Variants in SFXN5 observed in about 807,000 individuals in gnomAD.
SFXN5 encodes the protein sideroflexin 5, also known as sideroflexin-5.
In SFXN5, 43 loss-of-function variants were observed where a neutral mutation model predicts 50.2. The ratio of observed to expected loss-of-function variants is 0.86; its 90% CI spans 0.67 to 1.11. The LOEUF is 1.11. SFXN5 is among the 50% of genes least tolerant of loss of function. The pLI is 0.00. For missense variants in SFXN5, 463 were observed against 454.1 expected, an observed-to-expected ratio of 1.02 and a Z score of -0.18; for synonymous variants, 203 against 185.8, an observed-to-expected ratio of 1.09 and a Z score of -0.75.
chr2:73,055,199 G>A (rs865937401), intron 2 of SFXN5, among the ~76,000 whole-genome samples: 6 of 152,258 alleles, frequency 3.9e-5, no homozygotes, highest in East Asian at 3.8e-4. Context: ...CCCACGTGAC[G>A]GCCAGGGCCA....
In SFXN5 at chr2:72,971,768, C is replaced by A. The variant is rs559008717; in HGVS notation, c.626-83G>T. The A allele has an allele frequency of 1.7e-4, 176 of 1,042,962 alleles. 2 individuals carry two copies. The South Asian group carries it at 2.0e-3, about 12-fold the overall frequency. The allele number at this position is 1,042,962 out of a possible 1,614,324, so 64.6% of individuals were successfully genotyped here. ...AGGGAGGTCACTACACTCCTTCCTA[C>A]GCAAGCCTTGGGGTTCTGTGTTCAA... On this transcript the variant is annotated intron_variant, in intron 10 of 13. Transcript: ENST00000272433.
At chr2:73,021,652 C>T (rs961108993) in intron 5 of SFXN5, among the ~76,000 whole-genome samples, 1 of 152,148 alleles carries the variant, frequency 6.6e-6, no homozygotes, top group African/African-American at 2.4e-5. Context: ...GGGGTGGCGA[C>T]CCTGAGGGAC....
At chr2:73,021,333 A>C (rs939802541) in intron 5 of SFXN5, among the ~76,000 whole-genome samples, 6 of 152,018 alleles carry the variant, frequency 3.9e-5, no homozygotes, top group Non-Finnish European at 8.8e-5. Flanking sequence ...AAAATACAAA[A>C]ATTAGCCAGG....
intron 6 of SFXN5, among the ~76,000 whole-genome samples, chr2:73,004,313 G>GCACACACA (rs1239165881): frequency 0.017 from 2,401 of 138,434 alleles, 65 homozygotes; most frequent in African/African-American, 0.066. Flanking sequence ...ATGAGTGCGC[G>GCACACACA]CGCACACACA....
intron 1 of SFXN5, among the ~76,000 whole-genome samples, chr2:73,060,211 G>A (rs1388941433): frequency 1.3e-5 from 2 of 152,048 alleles, no homozygotes; most frequent in Admixed American, 1.3e-4. Flanking sequence ...GATGAAACTG[G>A]TACATTTTGT....
intron 3 of SFXN5, among the ~76,000 whole-genome samples, chr2:73,029,038 G>A (rs1417226362): frequency 2.0e-5 from 3 of 152,166 alleles, no homozygotes; most frequent in African/African-American, 7.2e-5. Context: ...ATGATTCCCA[G>A]CCTCCCCCGC....
chr2:72,996,594 G>A (rs1270455228), intron 9 of SFXN5: 1 of 146,312 alleles, frequency 6.8e-6, no homozygotes, highest in African/African-American at 2.5e-5. Flanking sequence ...CTGCAGCCTC[G>A]ACCTTCCAGG....
At chr2:73,001,176 C>T (rs572966635) in intron 7 of SFXN5, among the ~76,000 whole-genome samples, 9 of 152,314 alleles carry the variant, frequency 5.9e-5, no homozygotes, top group Non-Finnish European at 1.0e-4. Flanking sequence ...CAAAATGAGG[C>T]TATGGGCCTC....
intron 10 of SFXN5, among the ~76,000 whole-genome samples, chr2:72,975,306 C>T (rs561221289): frequency 1.3e-5 from 2 of 152,242 alleles, no homozygotes; most frequent in South Asian, 4.1e-4. Flanking sequence ...GACAAATGTG[C>T]AAGAAAGTTC....
chr2:72,981,996 T>TGTGTGTGC (rs1491565927), intron 10 of SFXN5, among the ~76,000 whole-genome samples: 66 of 142,998 alleles, frequency 4.6e-4, no homozygotes, highest in African/African-American at 1.6e-3. Context: ...TGTGTGTGTG[T>TGTGTGTGC]GCGTGCCATT....
chr2:72,962,586 C>T (rs537187259), intron 12 of SFXN5, among the ~76,000 whole-genome samples: 1 of 152,214 alleles, frequency 6.6e-6, no homozygotes, highest in Non-Finnish European at 1.5e-5. Flanking sequence ...AAATGGTGAT[C>T]CCAGACCACA....
At chr2:73,009,864 A>G (rs558208069) in intron 6 of SFXN5, among the ~76,000 whole-genome samples, 6 of 152,146 alleles carry the variant, frequency 3.9e-5, no homozygotes, top group Admixed American at 6.5e-5. Context: ...GAGAGAGTGG[A>G]AACGTATGGG....
chr2:72,984,843 G>A (rs1671707204), intron 10 of SFXN5, among the ~76,000 whole-genome samples: 1 of 152,132 alleles, frequency 6.6e-6, no homozygotes, highest in African/African-American at 2.4e-5. Flanking sequence ...GTGGGGTCCA[G>A]GTGCGTGTGT....
intron 13 of SFXN5, among the ~76,000 whole-genome samples, chr2:72,957,678 T>A (rs771093434): frequency 6.6e-6 from 1 of 152,270 alleles, no homozygotes; most frequent in Non-Finnish European, 1.5e-5. Flanking sequence ...ATGATCCCTG[T>A]ATGGCAGAAG....
intron 9 of SFXN5, among the ~76,000 whole-genome samples, chr2:72,993,019 C>G (rs1461100398): frequency 6.6e-6 from 1 of 152,142 alleles, no homozygotes; most frequent in Non-Finnish European, 1.5e-5. Flanking sequence ...AGCCAAGGAT[C>G]AGAAGCATGA....
At position 72,953,748 on chromosome 2, in the gene SFXN5, T is replaced by A. The variant is rs956878661; in HGVS notation, c.945+7383A>T. On this transcript the variant is annotated intron_variant, in intron 13 of 13. Coordinates refer to ENST00000272433, the MANE Select transcript of SFXN5 (RefSeq NM_144579.3). This position sits in a 1 kb window ranked among gnomAD's most constrained non-coding sequence, Gnocchi z 4.1. ...GGAGCCATTTCTAGACCAGCTTGAATGTGGACTCACATTCCAGCTTATTCC... is the reference window on the plus strand; with the variant it reads ...GGAGCCATTTCTAGACCAGCTTGAAAGTGGACTCACATTCCAGCTTATTCC... 1.3e-5 allele frequency among the ~76,000 whole-genome samples: 2 copies of A among 152,210 alleles called. No individual in the cohort carries two copies. The highest frequency in any genetic ancestry group is 4.8e-5 in the African/African-American group (2 of 41,456).
At chr2:73,016,447 G>C (rs1324254269) in intron 6 of SFXN5, among the ~76,000 whole-genome samples, 9 of 152,190 alleles carry the variant, frequency 5.9e-5, no homozygotes, top group African/African-American at 2.4e-5. Flanking sequence ...GCTCACACCT[G>C]TAATCCCAAC....
At chr2:73,057,164 G>A (rs1682253982) in intron 2 of SFXN5, among the ~76,000 whole-genome samples, 1 of 151,928 alleles carries the variant, frequency 6.6e-6, no homozygotes, top group Non-Finnish European at 1.5e-5. Flanking sequence ...TAAAAGATAG[G>A]GTCTCACTCT....
Position 73,050,388 on chromosome 2 carries a change from G to GCGCGCACACACACACACACACACACA in SFXN5, c.171+8139_171+8140insTGTGTGTGTGTGTGTGTGTGTGCGCG. On this transcript the variant is annotated intron_variant, in intron 2 of 13. Coordinates refer to ENST00000272433, the MANE Select transcript of SFXN5 (RefSeq NM_144579.3). Reference sequence around the variant, plus strand: ...GTGGAGGTAGCGCCGCAGCCACAGCGCACGCACACACACACACACACACAC... The same window carrying GCGCGCACACACACACACACACACACA: ...GTGGAGGTAGCGCCGCAGCCACAGCGCGCGCACACACACACACACACACACACACGCACACACACACACACACACAC... Among the ~76,000 whole-genome samples, 1,106 of 143,860 alleles carry GCGCGCACACACACACACACACACACA rather than the reference G, an allele frequency of 7.7e-3. 19 individuals carry two copies. Among genetic ancestry groups the GCGCGCACACACACACACACACACACA allele is most frequent in the East Asian group, 0.048 (228 of 4,740 alleles). 94.4% of individuals were successfully genotyped at this position (143,860 alleles called of 152,430 possible). A position where few individuals can be genotyped will look rare whatever the true frequency, so the allele number is the denominator to read the frequency against.
Sources: allele counts gnomAD v4.1 joint callset (sites outside exome capture counted in the v4.1 genomes callset), GRCh38; gene constraint gnomAD v4.1.1; non-coding constraint Gnocchi (gnomAD v3.1); transcripts MANE v1.5; gene names NCBI Gene and HGNC (gene_info 2026-07-23, HGNC 2026-07-21).